Variants in ADGRB3 observed in about 807,000 individuals in gnomAD.
ADGRB3 encodes adhesion G protein-coupled receptor B3, also known as brain-specific angiogenesis inhibitor 3.
Under a neutral mutation model 193.4 loss-of-function variants are expected in ADGRB3, and 37 were observed. The observed-to-expected ratio is 0.19, with a 90% confidence interval of 0.15 to 0.25. The LOEUF is 0.25. Ranked by LOEUF, ADGRB3 falls within the 10% of genes least tolerant of loss-of-function variation. The pLI is 1.00. For missense variants in ADGRB3, 1,637 were observed against 1,852.9 expected, an observed-to-expected ratio of 0.88 and a Z score of 2.14; for synonymous variants, 690 against 644.2, an observed-to-expected ratio of 1.07 and a Z score of -1.08.
intron 3 of ADGRB3, among the ~76,000 whole-genome samples, chr6:68,668,299 G>T (rs1768850120): frequency 6.6e-6 from 1 of 151,944 alleles, no homozygotes; most frequent in Non-Finnish European, 1.5e-5. Flanking sequence ...CTAATAAGCT[G>T]AAACTAAATC....
At position 68,985,981 on chromosome 6, in the gene ADGRB3, G is replaced by A. The variant is rs561921876; in HGVS notation, c.1735-7787G>A. Among the ~76,000 whole-genome samples, 8 of 152,202 alleles carry A rather than the reference G, an allele frequency of 5.3e-5. No individual in the cohort carries two copies. The East Asian group carries it at 1.5e-3, about 29-fold the overall frequency. Reference sequence around the variant, plus strand: ...CCATCTGCTGGCTCAAAATATTTATGAGAACATCTAGATTTGTTTGATGTT... The same window carrying A: ...CCATCTGCTGGCTCAAAATATTTATAAGAACATCTAGATTTGTTTGATGTT... On this transcript the variant is annotated intron_variant, in intron 10 of 31. Coordinates refer to ENST00000370598, the MANE Select transcript of ADGRB3 (RefSeq NM_001704.3).
intron 17 of ADGRB3, among the ~76,000 whole-genome samples, chr6:69,210,148 T>TTATATATATATATATATATATATA (rs1561953521): frequency 2.6e-5 from 1 of 39,068 alleles, no homozygotes; most frequent in Non-Finnish European, 5.1e-5. Context: ...TTAATATATA[T>TTATATATATATATATATATATATA]CATATATATA....
At chr6:68,808,772 G>A (rs1767456801) in intron 3 of ADGRB3, among the ~76,000 whole-genome samples, 1 of 152,008 alleles carries the variant, frequency 6.6e-6, no homozygotes, top group African/African-American at 2.4e-5. Flanking sequence ...GTGAGTGGGA[G>A]AAAGAAAAAT....
At chr6:68,711,293 G>A (rs1049299908) in intron 3 of ADGRB3, among the ~76,000 whole-genome samples, 1 of 151,972 alleles carries the variant, frequency 6.6e-6, no homozygotes, top group South Asian at 2.1e-4. Context: ...CTTCCAGAAT[G>A]CTGGAAAACT....
chr6:69,138,427 ACTGATAAAC>A (rs1774216713), intron 17 of ADGRB3, among the ~76,000 whole-genome samples: 2 of 152,196 alleles, frequency 1.3e-5, no homozygotes, highest in Non-Finnish European at 2.9e-5. Context: ...ATAACAGGTT[ACTGATAAAC>A]CTCAGTGGCA....
At chr6:69,224,297 G>A (rs1278297694) in intron 17 of ADGRB3, among the ~76,000 whole-genome samples, 1 of 152,030 alleles carries the variant, frequency 6.6e-6, no homozygotes, top group African/African-American at 2.4e-5. Context: ...CTCTGGAGTG[G>A]CTTTTTGTCC....
intron 16 of ADGRB3, 73 bp downstream of exon 16, chr6:69,063,109 C>A: frequency 9.1e-7 from 1 of 1,096,444 alleles, no homozygotes; most frequent in Non-Finnish European, 1.4e-6. Flanking sequence ...CAACTGATAA[C>A]ACCAGAATAC....
At chr6:69,240,136 G>A (rs867731332) in intron 20 of ADGRB3, among the ~76,000 whole-genome samples, 1 of 151,958 alleles carries the variant, frequency 6.6e-6, no homozygotes, top group African/African-American at 2.4e-5. Flanking sequence ...TAATGTCAAG[G>A]ATAATGGATA....
chr6:68,968,780 CCTT>C (rs1319876014), intron 8 of ADGRB3, among the ~76,000 whole-genome samples: 11 of 152,036 alleles, frequency 7.2e-5, no homozygotes, highest in African/African-American at 2.4e-4. Context: ...TCCTAATTCT[CCTT>C]CTTTTAGTAT....
chr6:69,158,556 T>C (rs983151879), intron 17 of ADGRB3, among the ~76,000 whole-genome samples: 4 of 152,042 alleles, frequency 2.6e-5, no homozygotes, highest in African/African-American at 4.8e-5. Flanking sequence ...AAATGAAATA[T>C]GGCTTTATAA....
At chr6:69,304,233 C>A (rs1185747170) in intron 20 of ADGRB3, among the ~76,000 whole-genome samples, 1 of 151,616 alleles carries the variant, frequency 6.6e-6, no homozygotes, top group African/African-American at 2.4e-5. Context: ...AGGTTTTCCC[C>A]TAAAAATTAT....
rs1230912918 is a variant in ADGRB3, at chr6:68,941,038, A to G, written c.1031-2792A>G. 2.0e-5 allele frequency among the ~76,000 whole-genome samples: 3 copies of G among 152,168 alleles called. No homozygotes were observed. In the East Asian group the frequency reaches 5.8e-4, roughly 29 times the overall value. On this transcript the variant is annotated intron_variant, in intron 5 of 31. Transcript: ENST00000370598. ...TTCATTTCGTCTCTAGTTATCACAA[A>G]AAGACATATAATAATACAGCTAATG...
intron 15 of ADGRB3, among the ~76,000 whole-genome samples, chr6:69,054,697 G>A (rs1771495466): frequency 3.3e-5 from 5 of 152,114 alleles, no homozygotes. Context: ...TATTTTAAAA[G>A]TGAATGTAAA....
chr6:68,899,385 C>G (rs1425076930), intron 3 of ADGRB3, among the ~76,000 whole-genome samples: 1 of 151,558 alleles, frequency 6.6e-6, no homozygotes, highest in African/African-American at 2.4e-5. Context: ...TGGTGCACTG[C>G]ACCCACTAAC....
intron 17 of ADGRB3, among the ~76,000 whole-genome samples, chr6:69,168,617 C>T (rs531040766): frequency 6.6e-6 from 1 of 151,984 alleles, no homozygotes; most frequent in African/African-American, 2.4e-5. Flanking sequence ...CTGATTATGG[C>T]TTATAGTGGG....
At chr6:68,739,865 A>G (rs1233603384) in intron 3 of ADGRB3, among the ~76,000 whole-genome samples, 1 of 151,998 alleles carries the variant, frequency 6.6e-6, no homozygotes, top group African/African-American at 2.4e-5. Context: ...TCATTATCTC[A>G]CTTGTTTGGT....
intron 17 of ADGRB3, among the ~76,000 whole-genome samples, chr6:69,163,439 C>T (rs1005906142): frequency 2.0e-5 from 3 of 152,064 alleles, no homozygotes; most frequent in African/African-American, 7.2e-5. Context: ...TACAAATGGA[C>T]ATAATTTTGA....
intron 3 of ADGRB3, among the ~76,000 whole-genome samples, chr6:68,801,200 C>G (rs1015152): frequency 0.75 from 114,128 of 152,044 alleles, 43,061 homozygotes; most frequent in Middle Eastern, 0.88. Context: ...CAACAACAAA[C>G]TTTCCTTGAA....
chr6:69,035,061 C>A (rs902954328), intron 13 of ADGRB3, among the ~76,000 whole-genome samples: 1 of 151,918 alleles, frequency 6.6e-6, no homozygotes, highest in Non-Finnish European at 1.5e-5. Context: ...AGTCATCATC[C>A]TTTGTTTATA....
Sources: allele counts gnomAD v4.1 joint callset (sites outside exome capture counted in the v4.1 genomes callset), GRCh38; gene constraint gnomAD v4.1.1; transcripts MANE v1.5; gene names NCBI Gene and HGNC (gene_info 2026-07-23, HGNC 2026-07-21).